The following JPH3 variants were observed in gnomAD, a reference collection of about 807,000 sequenced individuals.
The protein encoded by JPH3 is junctophilin-3.
Under a neutral mutation model 59.6 loss-of-function variants are expected in JPH3, and 11 were observed. That is an observed-to-expected ratio of 0.18 (90% CI 0.12 to 0.31). The LOEUF is 0.31. Among genes scored for constraint, JPH3 ranks in the 10% least tolerant of loss-of-function variants. The probability of loss-of-function intolerance (pLI) is 1.00; values close to 1 mark genes in which losing one functional copy is unlikely to be tolerated. For missense variants in JPH3, 1,202 were observed against 1,105.7 expected (o/e 1.09, Z -1.24); for synonymous variants, 673 against 483.6 (o/e 1.39, Z -5.14).
At chr16:87,604,076 A>G (rs938587199) in intron 1 of JPH3, 24 of 985,430 alleles carry the variant, frequency 2.4e-5, no homozygotes, top group Non-Finnish European at 2.9e-5. Flanking sequence ...ACAGCCAGGC[A>G]GTACACTTCT....
intron 2 of JPH3, among the ~76,000 whole-genome samples, chr16:87,657,817 G>A (rs982729976): frequency 2.0e-5 from 3 of 152,168 alleles, no homozygotes; most frequent in Admixed American, 1.3e-4. Flanking sequence ...ACTCGGTTAC[G>A]TGACCACACC....
chr16:87,659,074 C>T (rs762543583), intron 2 of JPH3, among the ~76,000 whole-genome samples: 21 of 152,180 alleles, frequency 1.4e-4, no homozygotes, highest in Non-Finnish European at 2.4e-4. Context: ...CTGGCTTTGT[C>T]GCGACGGCTG....
chr16:87,655,924 G>A (rs913866150), intron 2 of JPH3, among the ~76,000 whole-genome samples: 2 of 152,228 alleles, frequency 1.3e-5, no homozygotes, highest in East Asian at 1.9e-4. Flanking sequence ...CTGTCACTGC[G>A]CCGTTCCCTT....
chr16:87,679,930 C>T (rs907091808), intron 2 of JPH3, among the ~76,000 whole-genome samples: 2 of 152,258 alleles, frequency 1.3e-5, no homozygotes, highest in Non-Finnish European at 2.9e-5. Context: ...CCGCCCTCTG[C>T]TCCAGCCTTG....
At chr16:87,663,190 C>G (rs1251478800) in intron 2 of JPH3, among the ~76,000 whole-genome samples, 1 of 151,356 alleles carries the variant, frequency 6.6e-6, no homozygotes, top group African/African-American at 2.4e-5. Context: ...CTCACTGCAA[C>G]TTCCGCCTCC....
rs1310084132 is a variant in JPH3 at position 87,690,093 on chromosome 16, C to T, written c.1733C>T (p.Ser578Leu). ...NPKPRERRTE[S>L]PPVFTWTSHH... is the part of the protein sequence containing the mutation. The stretch of plus-strand genomic sequence containing the variant: ...AAGCCGCGGGAGCGGCGGACGGAGT[C>T]ACCCCCCGTGTTCACGTGGACTTCC... Residue 578 changes from serine (S) to leucine (L), a missense_variant, in exon 4 of 5, where the codon TCA becomes TTA. Coordinates refer to ENST00000284262, the MANE Select transcript of JPH3 (RefSeq NM_020655.4). 9.6e-6 allele frequency: 15 copies of T among 1,570,522 alleles called. No individual in the cohort carries two copies. Among genetic ancestry groups the T allele is most frequent in the Non-Finnish European group, 1.3e-5 (15 of 1,158,734 alleles).
chr16:87,644,821 GC>G lies in JPH3; in HGVS notation c.948del (p.Ser317AlafsTer10). The G allele has an allele frequency of 6.2e-7, 1 of 1,613,384 alleles. No homozygotes were observed. The highest frequency in any genetic ancestry group is 8.5e-7 in the Non-Finnish European group (1 of 1,179,900). On this transcript the variant is annotated frameshift_variant, in exon 2 of 5. Coordinates refer to ENST00000284262, the MANE Select transcript of JPH3 (RefSeq NM_020655.4). LOFTEE classifies it high-confidence loss of function. The stretch of plus-strand genomic sequence containing the variant: ...CGGGCTCAAGTACGAGGGCGAGTGG[GC>G]CAGCAACCGGCGCCATGGCTACGGC... ...SDGLKYEGEW[A>X]SNRRHGYGCM... is the part of the protein sequence containing the mutation.
At chr16:87,696,261 G>C (rs946098658) in intron 4 of JPH3, 5 of 475,186 alleles carry the variant, frequency 1.1e-5, no homozygotes, top group Non-Finnish European at 2.0e-5. Flanking sequence ...TTTGCTTGCA[G>C]GGAGGCCTGG....
intron 2 of JPH3, among the ~76,000 whole-genome samples, chr16:87,653,386 G>T (rs906504347): frequency 1.3e-5 from 2 of 152,142 alleles, no homozygotes; most frequent in African/African-American, 4.8e-5. Flanking sequence ...CAGTGAGTGA[G>T]GGATCCCTGC....
intron 1 of JPH3, chr16:87,605,018 C>T: frequency 4.5e-6 from 2 of 440,200 alleles, no homozygotes; most frequent in African/African-American, 2.0e-5. Flanking sequence ...CACAGGGAGG[C>T]CCGGGCAGCA....
chr16:87,615,979 G>T (rs897562756), intron 1 of JPH3, among the ~76,000 whole-genome samples: 1 of 152,166 alleles, frequency 6.6e-6, no homozygotes, highest in African/African-American at 2.4e-5. Flanking sequence ...GAGGGAAGAA[G>T]AGCCTGCAGG....
chr16:87,635,962 C>T (rs1032539531), intron 1 of JPH3, among the ~76,000 whole-genome samples: 1 of 152,216 alleles, frequency 6.6e-6, no homozygotes, highest in African/African-American at 2.4e-5. Flanking sequence ...CTTCCGGGGC[C>T]CCAGGGCCAG....
intron 1 of JPH3, among the ~76,000 whole-genome samples, chr16:87,608,564 AG>A (rs1374427571): frequency 9.9e-5 from 15 of 152,012 alleles, no homozygotes; most frequent in Admixed American, 3.3e-4. Flanking sequence ...TGGAGAGGAG[AG>A]GAGGAGAGAA....
chr16:87,680,349 G>C (rs1019978619), intron 2 of JPH3, among the ~76,000 whole-genome samples: 1 of 152,260 alleles, frequency 6.6e-6, no homozygotes. Flanking sequence ...GCGTGTGGAG[G>C]GGCTGCGCCC....
intron 1 of JPH3, among the ~76,000 whole-genome samples, chr16:87,618,641 G>A (rs184383134): frequency 6.6e-5 from 10 of 152,232 alleles, no homozygotes; most frequent in African/African-American, 1.2e-4. Context: ...GTGTTTCTGC[G>A]TCCTCATCCG....
At chr16:87,662,977 C>G (rs2032753056) in intron 2 of JPH3, among the ~76,000 whole-genome samples, 1 of 152,220 alleles carries the variant, frequency 6.6e-6, no homozygotes, top group Non-Finnish European at 1.5e-5. Flanking sequence ...TCACTAATCT[C>G]AGCCGTCACA....
At chr16:87,653,171 G>A (rs946957883) in intron 2 of JPH3, among the ~76,000 whole-genome samples, 16 of 152,304 alleles carry the variant, frequency 1.1e-4, no homozygotes, top group African/African-American at 3.8e-4. Flanking sequence ...GTTGATGATG[G>A]CCTTGAAATG....
intron 1 of JPH3, among the ~76,000 whole-genome samples, chr16:87,623,653 A>C (rs1949086087): frequency 6.6e-6 from 1 of 151,576 alleles, no homozygotes; most frequent in African/African-American, 2.4e-5. Context: ...CCCTCACCTC[A>C]CTCTCCTCCT....
At chr16:87,660,501 C>G (rs1250785561) in intron 2 of JPH3, among the ~76,000 whole-genome samples, 1 of 152,212 alleles carries the variant, frequency 6.6e-6, no homozygotes, top group Non-Finnish European at 1.5e-5. Flanking sequence ...CCAGAGGCCA[C>G]AGGCTGGACT....
Sources: allele counts gnomAD v4.1 joint callset (sites outside exome capture counted in the v4.1 genomes callset), GRCh38; gene constraint gnomAD v4.1.1; transcripts MANE v1.5; gene names NCBI Gene and HGNC (gene_info 2026-07-23, HGNC 2026-07-21).